KCNQ5: variants seen among roughly 807,000 people sequenced by gnomAD.
KCNQ5 encodes the protein potassium voltage-gated channel subfamily Q member 5.
In KCNQ5, 30 loss-of-function variants were observed where a neutral mutation model predicts 98.2. The ratio of observed to expected loss-of-function variants is 0.31; its 90% confidence interval spans 0.23 to 0.41. KCNQ5 has a LOEUF of 0.41. KCNQ5 is among the 10% of genes least tolerant of loss of function. The pLI, the probability that KCNQ5 is intolerant of heterozygous loss-of-function variation, is 1.00. For missense variants in KCNQ5, 835 were observed against 1,182.5 expected (o/e 0.71, Z 4.31); for synonymous variants, 458 against 449.4 (o/e 1.02, Z -0.24).
At chr6:72,677,254 A>T (rs1361516245) in intron 1 of KCNQ5, 1 of 152,212 alleles carries the variant, frequency 6.6e-6, no homozygotes, top group East Asian at 1.9e-4. Context: ...TCCTCCAGAA[A>T]CACCAGCACC....
rs1030744629 is a variant in KCNQ5, at chr6:72,981,960, C to T, written c.399-21948C>T. Among the ~76,000 whole-genome samples the T allele has an allele frequency of 8.5e-5, 13 of 152,192 alleles. 1 individual carries two copies. Among genetic ancestry groups the T allele is most frequent in the African/African-American group, 1.9e-4 (8 of 41,542 alleles). On this transcript the variant is annotated intron_variant, in intron 1 of 13. Transcript: ENST00000370398. ...GTTGTTCAGTTTCCACACAGTCATG[C>T]GATTTTGAGTGAGTTTCTTATTCCT...
chr6:72,623,479 G>C (rs1032270196), intron 1 of KCNQ5, among the ~76,000 whole-genome samples: 2 of 151,498 alleles, frequency 1.3e-5, no homozygotes, highest in Admixed American at 1.3e-4. Flanking sequence ...ATGATTGGAA[G>C]CAAATGTTTA....
chr6:72,993,873 C>T, intron 1 of KCNQ5, among the ~76,000 whole-genome samples: 1 of 38,838 alleles, frequency 2.6e-5, no homozygotes. Context: ...AGTTTTCCTT[C>T]TAACAGACAG....
intron 1 of KCNQ5, among the ~76,000 whole-genome samples, chr6:72,891,632 T>G (rs533931214): frequency 1.3e-5 from 2 of 152,316 alleles, no homozygotes; most frequent in East Asian, 3.9e-4. Context: ...TCAAAAATAA[T>G]GGAGTTGCAT....
intron 1 of KCNQ5, among the ~76,000 whole-genome samples, chr6:72,627,993 T>C (rs1220442514): frequency 2.0e-5 from 3 of 152,212 alleles, no homozygotes; most frequent in Non-Finnish European, 4.4e-5. Flanking sequence ...ATAATGGTGC[T>C]TCCCCCATTG....
At chr6:72,959,854 A>G (rs965703819) in intron 1 of KCNQ5, among the ~76,000 whole-genome samples, 1 of 152,242 alleles carries the variant, frequency 6.6e-6, no homozygotes, top group African/African-American at 2.4e-5. Context: ...CCCAAAGCAC[A>G]GAAGTGTGAA....
At chr6:72,814,916 G>A (rs890634585) in intron 1 of KCNQ5, among the ~76,000 whole-genome samples, 14 of 152,126 alleles carry the variant, frequency 9.2e-5, no homozygotes, top group African/African-American at 2.2e-4. Flanking sequence ...AGTAGGAAAC[G>A]GTTTGGTGTA....
chr6:73,102,899 T>G (rs1362145852), intron 5 of KCNQ5, among the ~76,000 whole-genome samples: 1 of 152,144 alleles, frequency 6.6e-6, no homozygotes, highest in African/African-American at 2.4e-5. Context: ...CTTGGAGGTT[T>G]CTCATAAAAC....
At chr6:73,054,322 G>A (rs1259527318) in intron 3 of KCNQ5, among the ~76,000 whole-genome samples, 4 of 152,098 alleles carry the variant, frequency 2.6e-5, no homozygotes, top group Non-Finnish European at 5.9e-5. Flanking sequence ...AGAGGAGGAG[G>A]GACTCCTCCC....
intron 1 of KCNQ5, among the ~76,000 whole-genome samples, chr6:72,903,065 T>G (rs1317271781): frequency 6.6e-6 from 1 of 152,080 alleles, no homozygotes; most frequent in Non-Finnish European, 1.5e-5. Flanking sequence ...GCTAGGAGGG[T>G]TGTATCTTTG....
At chr6:72,788,396 C>T (rs1046997127) in intron 1 of KCNQ5, among the ~76,000 whole-genome samples, 1 of 152,142 alleles carries the variant, frequency 6.6e-6, no homozygotes, top group Non-Finnish European at 1.5e-5. Context: ...GAATAGTATG[C>T]GGATGACTTA....
At chr6:73,128,047 A>G (rs998684266) in intron 9 of KCNQ5, among the ~76,000 whole-genome samples, 9 of 152,336 alleles carry the variant, frequency 5.9e-5, no homozygotes, top group African/African-American at 1.9e-4. Flanking sequence ...CCTGGATGAC[A>G]GAGCAAGACT....
At chr6:72,826,682 C>T (rs778198468) in intron 1 of KCNQ5, among the ~76,000 whole-genome samples, 1 of 152,060 alleles carries the variant, frequency 6.6e-6, no homozygotes, top group Non-Finnish European at 1.5e-5. Context: ...GGGTAATTTG[C>T]ATATCTATCA....
intron 1 of KCNQ5, chr6:72,630,406 C>A (rs539372368): frequency 6.6e-6 from 1 of 152,232 alleles, no homozygotes; most frequent in South Asian, 2.1e-4. Context: ...ATGTTATAAT[C>A]CATCATTTCT....
At chr6:72,862,587 G>A (rs1307278073) in intron 1 of KCNQ5, among the ~76,000 whole-genome samples, 2 of 151,960 alleles carry the variant, frequency 1.3e-5, no homozygotes, top group East Asian at 1.9e-4. Flanking sequence ...GAGTCCATTA[G>A]GCTAGGGGAA....
chr6:73,161,628 T>A (rs1263996869), intron 10 of KCNQ5, among the ~76,000 whole-genome samples: 3 of 152,142 alleles, frequency 2.0e-5, no homozygotes, highest in Admixed American at 6.5e-5. Flanking sequence ...GAATTATTTT[T>A]AAAAAGAAAT....
intron 1 of KCNQ5, among the ~76,000 whole-genome samples, chr6:72,726,919 G>T (rs1167307901): frequency 6.6e-6 from 1 of 152,132 alleles, no homozygotes; most frequent in Non-Finnish European, 1.5e-5. Context: ...AAAGCTCACT[G>T]CAGCCTTAAC....
At chr6:72,706,615 C>G (rs552927225) in intron 1 of KCNQ5, among the ~76,000 whole-genome samples, 150 of 152,188 alleles carry the variant, frequency 9.9e-4, no homozygotes, top group African/African-American at 3.5e-3. Flanking sequence ...ATATTAACTA[C>G]TTTAAGTGAT....
chr6:72,637,149 T>C (rs1382112463), intron 1 of KCNQ5, among the ~76,000 whole-genome samples: 1 of 152,178 alleles, frequency 6.6e-6, no homozygotes, highest in East Asian at 1.9e-4. Context: ...CAAAGTATTT[T>C]AAAAAATAAG....
Sources: gnomAD v4.1 joint callset for allele counts (sites outside exome capture counted in the v4.1 genomes callset) on GRCh38, gnomAD v4.1.1 for gene constraint, MANE v1.5 for transcripts, NCBI Gene and HGNC (gene_info 2026-07-23, HGNC 2026-07-21) for gene names.